The following KCNMA1 variants were observed in gnomAD, a reference collection of about 807,000 sequenced individuals.
KCNMA1 encodes the protein Calcium-activated potassium channel subunit alpha-1.
A neutral mutation model predicts 140.0 loss-of-function variants in KCNMA1; 29 were observed. The observed-to-expected ratio is 0.21, with a 90% CI of 0.15 to 0.28. The LOEUF (loss-of-function observed/expected upper bound fraction) is 0.28, where lower values mean the gene tolerates loss of function less well. KCNMA1 is among the 10% of genes least tolerant of loss of function. The pLI is 1.00. For synonymous variants in KCNMA1, 612 were observed against 611.9 expected (o/e 1.00, Z 0.00); for missense variants, 880 against 1,602.2 (o/e 0.55, Z 7.70).
chr10:77,610,429 C>A (rs985259013), intron 1 of KCNMA1, among the ~76,000 whole-genome samples: 2 of 152,254 alleles, frequency 1.3e-5, no homozygotes, highest in African/African-American at 4.8e-5. Flanking sequence ...CACTGAGCCG[C>A]AGCCTCGGGC....
intron 1 of KCNMA1, among the ~76,000 whole-genome samples, chr10:77,474,310 C>T (rs1370137513): frequency 6.6e-6 from 1 of 152,174 alleles, no homozygotes; most frequent in Non-Finnish European, 1.5e-5. Context: ...GGTCTTTGAA[C>T]AGGTGATTAT....
At chr10:77,236,428 A>G (rs1038489827) in intron 3 of KCNMA1, among the ~76,000 whole-genome samples, 2 of 152,140 alleles carry the variant, frequency 1.3e-5, no homozygotes, top group East Asian at 3.9e-4. Flanking sequence ...CCTGCAGTTG[A>G]TGTCAGAGGG....
chr10:77,201,090 G>A (rs940275947), intron 3 of KCNMA1, among the ~76,000 whole-genome samples: 5 of 152,128 alleles, frequency 3.3e-5, no homozygotes, highest in African/African-American at 1.2e-4. Context: ...GGGGTGTGCA[G>A]GGGGTAGGGG....
chr10:77,453,959 G>A (rs2097711228), intron 1 of KCNMA1, among the ~76,000 whole-genome samples: 2 of 152,156 alleles, frequency 1.3e-5, no homozygotes, highest in South Asian at 4.1e-4. Flanking sequence ...CGTCTCTGTA[G>A]TGGGAAAAAA....
At chr10:77,413,614 G>A (rs1566685721) in intron 1 of KCNMA1, among the ~76,000 whole-genome samples, 1 of 152,092 alleles carries the variant, frequency 6.6e-6, no homozygotes, top group Non-Finnish European at 1.5e-5. Context: ...GAGAAATAGG[G>A]CAACAGGGGA....
chr10:76,889,919 C>A (rs947513579), intron 26 of KCNMA1, among the ~76,000 whole-genome samples: 2 of 152,150 alleles, frequency 1.3e-5, no homozygotes, highest in African/African-American at 4.8e-5. Context: ...AGGAGATGAA[C>A]CCTTCTCTGC....
chr10:77,257,872 C>T (rs189287986), intron 2 of KCNMA1, among the ~76,000 whole-genome samples: 2 of 152,308 alleles, frequency 1.3e-5, no homozygotes, highest in East Asian at 3.9e-4. Context: ...GCCTCCCCAG[C>T]CACGTGGAAC....
intron 3 of KCNMA1, among the ~76,000 whole-genome samples, chr10:77,234,651 C>G (rs2054774021): frequency 6.6e-6 from 1 of 152,292 alleles, no homozygotes; most frequent in South Asian, 2.1e-4. Context: ...CCAGCATGTC[C>G]TATGTGCTGT....
intron 14 of KCNMA1, among the ~76,000 whole-genome samples, chr10:77,057,977 C>T (rs1429798547): frequency 6.6e-6 from 1 of 151,528 alleles, no homozygotes; most frequent in Admixed American, 6.6e-5. Flanking sequence ...TTCAAAGAAT[C>T]GATTTTTAAA....
intron 2 of KCNMA1, among the ~76,000 whole-genome samples, chr10:77,384,369 T>A (rs2095531404): frequency 1.3e-5 from 2 of 152,186 alleles, no homozygotes; most frequent in South Asian, 4.1e-4. Context: ...GTGGTTGCCA[T>A]GGAAACCAGC....
intron 2 of KCNMA1, among the ~76,000 whole-genome samples, chr10:77,388,953 C>T (rs1400343998): frequency 6.6e-6 from 1 of 152,142 alleles, no homozygotes; most frequent in African/African-American, 2.4e-5. Context: ...GGGAAAACAA[C>T]CAGATAAACC....
At chr10:77,609,665 T>TA (rs1413457115) in intron 1 of KCNMA1, among the ~76,000 whole-genome samples, 1 of 152,200 alleles carries the variant, frequency 6.6e-6, no homozygotes, top group Non-Finnish European at 1.5e-5. Flanking sequence ...CCACAATGTA[T>TA]ACATATTTCA....
At chr10:77,143,477 A>G (rs1182663340) in intron 5 of KCNMA1, among the ~76,000 whole-genome samples, 18 of 152,204 alleles carry the variant, frequency 1.2e-4, no homozygotes, top group Admixed American at 1.2e-3. Flanking sequence ...AAAAGCACCA[A>G]TACAACTCAA....
intron 1 of KCNMA1, among the ~76,000 whole-genome samples, chr10:77,477,737 G>T (rs1385547729): frequency 6.6e-6 from 1 of 152,200 alleles, no homozygotes. Context: ...TCAAAGGTGA[G>T]CTGAGTATTG....
intron 3 of KCNMA1, among the ~76,000 whole-genome samples, chr10:77,236,220 G>A (rs535842901): frequency 2.0e-5 from 3 of 152,320 alleles, no homozygotes; most frequent in East Asian, 3.9e-4. Flanking sequence ...CACGATCCAT[G>A]ACTCCACATG....
chr10:77,409,436 G>C (rs1196748655), intron 1 of KCNMA1, among the ~76,000 whole-genome samples: 1 of 152,184 alleles, frequency 6.6e-6, no homozygotes, highest in Non-Finnish European at 1.5e-5. Flanking sequence ...AGCCCCAGTT[G>C]CTCTGTTTCC....
chr10:76,926,835 G>A lies in KCNMA1; in HGVS notation c.2903-11786C>T, dbSNP rs557918664. 5.9e-5 allele frequency among the ~76,000 whole-genome samples: 9 copies of A among 152,118 alleles called. No homozygotes were observed. The East Asian group carries it at 1.2e-3, about 20-fold the overall frequency. Reference sequence around the variant, plus strand: ...TATCAACATTTCATACAAGAGATGCGCACCAAATACATTAAACCACAACAA... The same window carrying A: ...TATCAACATTTCATACAAGAGATGCACACCAAATACATTAAACCACAACAA... On this transcript the variant is annotated intron_variant, in intron 23 of 27. Transcript: ENST00000286628.
At position 76,994,842 on chromosome 10, in the gene KCNMA1, G is replaced by A. The variant is rs560319683; in HGVS notation, c.2266+6565C>T. The stretch of plus-strand genomic sequence containing the variant: ...GGCCAGATGACAAGCATCCATCTCC[G>A]ATGAAGGAAGTATCCAACTGAAATG... On this transcript the variant is annotated intron_variant, in intron 19 of 27. Coordinates refer to ENST00000286628, the MANE Select transcript of KCNMA1 (RefSeq NM_001161352.2). 1.5e-4 allele frequency among the ~76,000 whole-genome samples: 23 copies of A among 152,238 alleles called. No homozygotes were observed. The South Asian group carries it at 3.1e-3, about 21-fold the overall frequency.
At chr10:77,419,174 T>C (rs1293382448) in intron 1 of KCNMA1, among the ~76,000 whole-genome samples, 1 of 152,062 alleles carries the variant, frequency 6.6e-6, no homozygotes, top group Non-Finnish European at 1.5e-5. Context: ...GAAGGTCACA[T>C]GAGGGGAGAG....
Sources: allele counts gnomAD v4.1 joint callset (sites outside exome capture counted in the v4.1 genomes callset), GRCh38; gene constraint gnomAD v4.1.1; transcripts MANE v1.5; gene names NCBI Gene and HGNC (gene_info 2026-07-23, HGNC 2026-07-21).